CWC27: variants seen among roughly 807,000 people sequenced by gnomAD.
CWC27 encodes spliceosome-associated protein CWC27 homolog.
Under a neutral mutation model 63.6 loss-of-function variants are expected in CWC27, and 47 were observed. The ratio of observed to expected loss-of-function variants is 0.74; its 90% CI spans 0.58 to 0.94. CWC27 has a LOEUF of 0.94. Ranked by LOEUF, CWC27 falls within the 40% of genes least tolerant of loss-of-function variation. The pLI, the probability that CWC27 is intolerant of heterozygous loss-of-function variation, is 0.00. For synonymous variants in CWC27, 175 were observed against 179.8 expected (o/e 0.97, Z 0.22); for missense variants, 495 against 554.3 (o/e 0.89, Z 1.07).
chr5:64,954,239 A>G (rs1014088759), intron 11 of CWC27, among the ~76,000 whole-genome samples: 2 of 152,108 alleles, frequency 1.3e-5, no homozygotes, highest in African/African-American at 4.8e-5. Flanking sequence ...ATAGGTCTCC[A>G]AGTGTAATAT....
intron 11 of CWC27, among the ~76,000 whole-genome samples, chr5:64,937,302 G>T (rs1195005414): frequency 6.6e-6 from 1 of 152,056 alleles, no homozygotes; most frequent in East Asian, 1.9e-4. Context: ...TTGTGTCTTT[G>T]TTTTCATTGG....
At chr5:64,896,676 G>GAA (rs554273136) in intron 11 of CWC27, among the ~76,000 whole-genome samples, 1 of 137,246 alleles carries the variant, frequency 7.3e-6, no homozygotes, top group South Asian at 2.3e-4. Context: ...ATGGAATTAG[G>GAA]AAAAAAAAAA....
At chr5:64,887,504 C>T (rs916929804) in intron 11 of CWC27, among the ~76,000 whole-genome samples, 6 of 152,088 alleles carry the variant, frequency 3.9e-5, no homozygotes, top group African/African-American at 1.4e-4. Context: ...GTAGCTGAAA[C>T]TGCAAGCATG....
chr5:65,005,732 A>G (rs1035030409), intron 13 of CWC27, among the ~76,000 whole-genome samples: 1 of 152,236 alleles, frequency 6.6e-6, no homozygotes, highest in Admixed American at 6.5e-5. Flanking sequence ...ATCTGTGAAC[A>G]ATTATGAAAA....
At chr5:64,859,136 G>GT (rs574875552) in intron 10 of CWC27, among the ~76,000 whole-genome samples, 366 of 152,320 alleles carry the variant, frequency 2.4e-3, no homozygotes, top group Middle Eastern at 6.8e-3. Context: ...AAAATACTTT[G>GT]TGTTGAGTGA....
intron 11 of CWC27, among the ~76,000 whole-genome samples, chr5:64,952,229 A>G (rs992272599): frequency 1.4e-4 from 22 of 152,048 alleles, no homozygotes; most frequent in African/African-American, 4.6e-4. Context: ...ACAAGAAAAA[A>G]GTCTGCACAT....
chr5:64,843,281 C>A (rs1039373771), intron 10 of CWC27, among the ~76,000 whole-genome samples: 2 of 152,150 alleles, frequency 1.3e-5, no homozygotes, highest in African/African-American at 2.4e-5. Context: ...AGCCCACTAC[C>A]ATATGTTATC....
intron 1 of CWC27, among the ~76,000 whole-genome samples, chr5:64,770,102 A>G (rs1235116879): frequency 6.6e-6 from 1 of 152,268 alleles, no homozygotes; most frequent in Non-Finnish European, 1.5e-5. Context: ...TGTTTGTTAC[A>G]TGATTGCATC....
Position 64,804,325 on chromosome 5 carries a change from A to C in CWC27, c.877A>C (p.Thr293Pro). The C allele has an allele frequency of 6.2e-7, 1 of 1,613,210 alleles. No individual in the cohort carries two copies. Among genetic ancestry groups the C allele is most frequent in the Non-Finnish European group, 8.5e-7 (1 of 1,179,598 alleles). Reference sequence around the variant, plus strand: ...AATTGCCAAAAAATTAAAAAAGGACACAAGTGCGAATGTTAAATCAGCTGG... The same window carrying C: ...AATTGCCAAAAAATTAAAAAAGGACCCAAGTGCGAATGTTAAATCAGCTGG... ...ERIAKKLKKD[T>P]SANVKSAGEG... Residue 293 changes from threonine (T) to proline (P), a missense_variant, in exon 10 of 14, where the codon ACA becomes CCA. By Grantham distance (38) the Thr-to-Pro change is conservative. Transcript: ENST00000381070.
intron 13 of CWC27, among the ~76,000 whole-genome samples, chr5:65,013,046 A>C (rs376758768): frequency 8.2e-4 from 125 of 152,286 alleles, no homozygotes; most frequent in African/African-American, 2.9e-3. Context: ...TTTGAGAAAC[A>C]TTGCTTTAAA....
intron 10 of CWC27, among the ~76,000 whole-genome samples, chr5:64,825,222 A>G (rs1398342216): frequency 6.6e-6 from 1 of 152,174 alleles, no homozygotes; most frequent in Non-Finnish European, 1.5e-5. Flanking sequence ...TGCAATGGAA[A>G]GAGCTGTGGG....
intron 10 of CWC27, among the ~76,000 whole-genome samples, chr5:64,855,685 A>G (rs1746237403): frequency 6.6e-6 from 1 of 152,168 alleles, no homozygotes; most frequent in South Asian, 2.1e-4. Context: ...AATGCCCATC[A>G]TGACCATTTC....
intron 10 of CWC27, among the ~76,000 whole-genome samples, chr5:64,841,962 G>A (rs1481237476): frequency 6.6e-6 from 1 of 152,190 alleles, no homozygotes; most frequent in Admixed American, 6.5e-5. Flanking sequence ...TTACAGGCAT[G>A]AGCCACCACG....
chr5:65,007,602 G>A (rs1280382189), intron 13 of CWC27, among the ~76,000 whole-genome samples: 1 of 149,524 alleles, frequency 6.7e-6, no homozygotes, highest in Non-Finnish European at 1.5e-5. Context: ...CTGTGCTCAT[G>A]TGCTCCTCAT....
At chr5:64,916,707 A>G (rs1315058663) in intron 11 of CWC27, among the ~76,000 whole-genome samples, 1 of 152,226 alleles carries the variant, frequency 6.6e-6, no homozygotes, top group East Asian at 1.9e-4. Context: ...ACCTGTTATC[A>G]GAAGAAGGAG....
At chr5:64,903,302 A>G (rs557673812) in intron 11 of CWC27, among the ~76,000 whole-genome samples, 73 of 152,326 alleles carry the variant, frequency 4.8e-4, no homozygotes, top group African/African-American at 1.8e-3. Flanking sequence ...CACACTGGAT[A>G]AAGTAAATGT....
chr5:64,859,259 G>A (rs1746339738), intron 10 of CWC27, among the ~76,000 whole-genome samples: 1 of 152,122 alleles, frequency 6.6e-6, no homozygotes, highest in African/African-American at 2.4e-5. Context: ...GGAGGGGGTG[G>A]TGGCAGTGGC....
chr5:64,808,117 G>T, intron 10 of CWC27: 1 of 1,105,968 alleles, frequency 9.0e-7, no homozygotes, highest in South Asian at 2.7e-5. Context: ...AGTAGCATTA[G>T]TATCACTTGG....
intron 11 of CWC27, among the ~76,000 whole-genome samples, chr5:64,940,488 G>A (rs1285418054): frequency 6.6e-6 from 1 of 152,156 alleles, no homozygotes; most frequent in Non-Finnish European, 1.5e-5. Context: ...TACCTCAGTT[G>A]GAAATGCAGA....
Sources: allele counts gnomAD v4.1 joint callset (sites outside exome capture counted in the v4.1 genomes callset), GRCh38; gene constraint gnomAD v4.1.1; transcripts MANE v1.5; gene names NCBI Gene and HGNC (gene_info 2026-07-23, HGNC 2026-07-21).